MTHFD2L: variants seen among roughly 807,000 people sequenced by gnomAD.
MTHFD2L encodes the protein methylenetetrahydrofolate dehydrogenase (NADP+ dependent) 2 like.
In MTHFD2L, 29 loss-of-function variants were observed where a neutral mutation model predicts 34.9. The observed-to-expected ratio is 0.83, with a 90% CI of 0.62 to 1.13. The LOEUF is 1.13. MTHFD2L is among the 50% of genes most tolerant of loss of function. MTHFD2L has a pLI of 0.00. For missense variants in MTHFD2L, 481 were observed against 446.5 expected (o/e 1.08, Z -0.70); for synonymous variants, 167 against 155.7 (o/e 1.07, Z -0.54).
At chr4:74,287,119 TAAAG>T (rs1227649136) in intron 7 of MTHFD2L, among the ~76,000 whole-genome samples, 2 of 152,120 alleles carry the variant, frequency 1.3e-5, no homozygotes, top group African/African-American at 2.4e-5. Context: ...TTACAAAAAA[TAAAG>T]AAGTCACACT....
chr4:74,257,831 T>C (rs1402876478), intron 6 of MTHFD2L, among the ~76,000 whole-genome samples: 1 of 152,078 alleles, frequency 6.6e-6, no homozygotes, highest in Non-Finnish European at 1.5e-5. Context: ...TGATAAGAGG[T>C]TAATACCCAA....
At chr4:74,271,763 T>A (rs1010153779) in intron 6 of MTHFD2L, among the ~76,000 whole-genome samples, 6 of 152,216 alleles carry the variant, frequency 3.9e-5, no homozygotes, top group African/African-American at 1.4e-4. Context: ...CCTTGGGCAG[T>A]ATGGCCATTT....
At chr4:74,248,291 A>T (rs1300683457) in intron 6 of MTHFD2L, among the ~76,000 whole-genome samples, 1 of 152,108 alleles carries the variant, frequency 6.6e-6, no homozygotes, top group Non-Finnish European at 1.5e-5. Flanking sequence ...GTATTCTCTG[A>T]TGGTAGTTTG....
intron 3 of MTHFD2L, among the ~76,000 whole-genome samples, chr4:74,192,986 A>G (rs1167564554): frequency 6.6e-6 from 1 of 151,906 alleles, no homozygotes. Flanking sequence ...TTTATGCTTT[A>G]TGTGTTTTGT....
chr4:74,161,883 A>G (rs1221247897), intron 1 of MTHFD2L: 3 of 152,242 alleles, frequency 2.0e-5, no homozygotes, highest in Non-Finnish European at 4.4e-5. Flanking sequence ...GTGAAATTAC[A>G]CTTTGGCTTA....
intron 1 of MTHFD2L, among the ~76,000 whole-genome samples, chr4:74,138,331 A>T (rs969133336): frequency 2.0e-5 from 3 of 152,016 alleles, no homozygotes; most frequent in Non-Finnish European, 2.9e-5. Flanking sequence ...AGCTCCCAAG[A>T]TGTGGCAGGC....
At chr4:74,156,463 C>T (rs1279512487), upstream of MTHFD2L, 7 of 152,024 alleles carry the variant, frequency 4.6e-5, no homozygotes, top group African/African-American at 1.5e-4. Flanking sequence ...AATATTTCAC[C>T]GCTTATTTAA....
intron 1 of MTHFD2L, among the ~76,000 whole-genome samples, chr4:74,173,735 T>C (rs1319508222): frequency 6.6e-6 from 1 of 152,186 alleles, no homozygotes; most frequent in Non-Finnish European, 1.5e-5. Flanking sequence ...GATCTGCCTC[T>C]TTAGAAAAAA....
chr4:74,173,266 A>G (rs1728371099), intron 1 of MTHFD2L, among the ~76,000 whole-genome samples: 1 of 152,190 alleles, frequency 6.6e-6, no homozygotes, highest in African/African-American at 2.4e-5. Flanking sequence ...GGTCATGGAG[A>G]GCAGAAAAGC....
intron 1 of MTHFD2L, among the ~76,000 whole-genome samples, chr4:74,130,760 T>C (rs1387007333): frequency 2.6e-5 from 4 of 152,046 alleles, no homozygotes; most frequent in Non-Finnish European, 5.9e-5. Flanking sequence ...GAGAAAGAAA[T>C]AAAGGGTATT....
chr4:74,164,529 C>T (rs1182135121), intron 1 of MTHFD2L, among the ~76,000 whole-genome samples: 3 of 152,168 alleles, frequency 2.0e-5, no homozygotes, highest in African/African-American at 7.2e-5. Flanking sequence ...TTCTGGTTAT[C>T]GAAATATGTC....
At chr4:74,181,670 C>T (rs1479597081) in intron 3 of MTHFD2L, 3 of 152,142 alleles carry the variant, frequency 2.0e-5, no homozygotes, top group Non-Finnish European at 4.4e-5. Context: ...CTATCTATTT[C>T]AAATGTTCTC....
upstream of MTHFD2L, among the ~76,000 whole-genome samples, chr4:74,119,640 G>A (rs575941412): frequency 9.2e-5 from 14 of 152,120 alleles, no homozygotes; most frequent in Non-Finnish European, 1.2e-4. Flanking sequence ...AAAATTAGCC[G>A]GGCATGGTGG....
In MTHFD2L at chr4:74,291,315, C is replaced by T. The variant is rs112271072; in HGVS notation, c.931+9765C>T. 5.6e-3 allele frequency among the ~76,000 whole-genome samples: 848 copies of T among 151,856 alleles called. 5 individuals are homozygous for T. The highest frequency in any genetic ancestry group is 0.02 in the African/African-American group (812 of 41,468). On this transcript the variant is annotated intron_variant, in intron 7 of 7. Transcript: ENST00000325278. ...CAGGCATGAGCCTTCGTGCCTGGCCCATTTCTTTTATATCTCTGTCCCACA... is the reference window on the plus strand; with the variant it reads ...CAGGCATGAGCCTTCGTGCCTGGCCTATTTCTTTTATATCTCTGTCCCACA...
chr4:74,258,367 G>T (rs954460135), intron 6 of MTHFD2L, among the ~76,000 whole-genome samples: 1 of 151,760 alleles, frequency 6.6e-6, no homozygotes, highest in African/African-American at 2.4e-5. Flanking sequence ...GAAAATATGA[G>T]ATAGCTAGAA....
intron 7 of MTHFD2L, among the ~76,000 whole-genome samples, chr4:74,291,003 C>CTTTTTTTTTTTTTTTTTTTTTGTTTTTTT (rs1748857521): frequency 3.4e-5 from 1 of 29,272 alleles, no homozygotes; most frequent in Non-Finnish European, 6.5e-5. Flanking sequence ...TTTTCCTTTT[C>CTTTTTTTTTTTTTTTTTTTTTGTTTTTTT]TTTTTTTTTT....
At chr4:74,182,606 A>G (rs1407607609) in intron 3 of MTHFD2L, 1 of 152,104 alleles carries the variant, frequency 6.6e-6, no homozygotes, top group African/African-American at 2.4e-5. Flanking sequence ...CCATGCCCCT[A>G]AGTTGTTTTC....
chr4:74,138,796 G>C (rs1402944937), intron 1 of MTHFD2L, among the ~76,000 whole-genome samples: 8 of 152,160 alleles, frequency 5.3e-5, no homozygotes, highest in Admixed American at 5.2e-4. Flanking sequence ...CCATACAATG[G>C]GAGGGGACCC....
chr4:74,191,691 C>T (rs984307237), intron 3 of MTHFD2L, among the ~76,000 whole-genome samples: 1 of 152,098 alleles, frequency 6.6e-6, no homozygotes, highest in African/African-American at 2.4e-5. Context: ...GCTGGGATTA[C>T]AGGCACCTGC....
Sources: allele counts gnomAD v4.1 joint callset (sites outside exome capture counted in the v4.1 genomes callset), GRCh38; gene constraint gnomAD v4.1.1; transcripts MANE v1.5; gene names NCBI Gene and HGNC (gene_info 2026-07-23, HGNC 2026-07-21).